PLCB4: variants seen among roughly 807,000 people sequenced by gnomAD.
PLCB4 encodes phospholipase C beta 4.
In PLCB4, 77 loss-of-function variants were observed where a neutral mutation model predicts 178.8. The observed-to-expected ratio is 0.43, with a 90% CI of 0.36 to 0.52. The LOEUF (loss-of-function observed/expected upper bound fraction) is 0.52, where lower values mean the gene tolerates loss of function less well. Among genes scored for constraint, PLCB4 ranks in the 20% least tolerant of loss-of-function variants. PLCB4 has a pLI of 0.00. For missense variants in PLCB4, 1,024 were observed against 1,453.4 expected, an observed-to-expected ratio of 0.70 and a Z score of 4.80; for synonymous variants, 496 against 490.8, an observed-to-expected ratio of 1.01 and a Z score of -0.14.
At chr20:9,424,475 A>G (rs1405981041) in intron 28 of PLCB4, among the ~76,000 whole-genome samples, 1 of 152,218 alleles carries the variant, frequency 6.6e-6, no homozygotes, top group Admixed American at 6.5e-5. Flanking sequence ...TTTTGCTTAC[A>G]TGCAAACATG....
intron 7 of PLCB4, among the ~76,000 whole-genome samples, chr20:9,355,594 A>G (rs1490778101): frequency 6.6e-6 from 1 of 151,650 alleles, no homozygotes; most frequent in Non-Finnish European, 1.5e-5. Context: ...ATGATTTCCA[A>G]TTTCATCCAT....
intron 1 of PLCB4, among the ~76,000 whole-genome samples, chr20:9,072,673 A>G (rs1176036731): frequency 6.6e-6 from 1 of 152,104 alleles, no homozygotes; most frequent in African/African-American, 2.4e-5. Context: ...TCTGGGTGGA[A>G]GGGTAGAAAG....
chr20:9,258,603 T>A (rs967540764), intron 3 of PLCB4, among the ~76,000 whole-genome samples: 5 of 150,078 alleles, frequency 3.3e-5, no homozygotes, highest in Admixed American at 6.7e-5. Flanking sequence ...TAGTCTCAGC[T>A]ACTCAGGATG....
intron 3 of PLCB4, among the ~76,000 whole-genome samples, chr20:9,256,945 G>T (rs1236023581): frequency 6.6e-6 from 1 of 152,138 alleles, no homozygotes; most frequent in Non-Finnish European, 1.5e-5. Flanking sequence ...AAGGCAACTT[G>T]CACATTGAGG....
At chr20:9,413,116 G>A (rs918435974) in intron 25 of PLCB4, among the ~76,000 whole-genome samples, 2 of 152,202 alleles carry the variant, frequency 1.3e-5, no homozygotes, top group Non-Finnish European at 2.9e-5. Context: ...ACCCCAAGGA[G>A]TCAGCCTCAG....
chr20:9,186,266 C>T (rs1041232343), intron 2 of PLCB4, among the ~76,000 whole-genome samples: 1 of 152,160 alleles, frequency 6.6e-6, no homozygotes, highest in Admixed American at 6.5e-5. Context: ...TACATATCTA[C>T]TCATGAGATA....
chr20:9,426,776 A>G (rs2041040385), intron 28 of PLCB4, among the ~76,000 whole-genome samples: 1 of 152,140 alleles, frequency 6.6e-6, no homozygotes, highest in South Asian at 2.1e-4. Context: ...AAATATTTTT[A>G]TATTTTTATT....
intron 1 of PLCB4, among the ~76,000 whole-genome samples, chr20:9,085,831 A>G (rs1478526423): frequency 1.3e-5 from 2 of 152,178 alleles, no homozygotes; most frequent in Non-Finnish European, 2.9e-5. Flanking sequence ...ATACTTGAAC[A>G]TATTATACGG....
At chr20:9,154,111 C>T (rs577443787) in intron 2 of PLCB4, among the ~76,000 whole-genome samples, 13 of 152,028 alleles carry the variant, frequency 8.6e-5, no homozygotes, top group Non-Finnish European at 1.3e-4. Context: ...GGGCAAAGTT[C>T]GGTTTAGGCC....
chr20:9,245,872 T>C (rs1017444768), intron 3 of PLCB4, among the ~76,000 whole-genome samples: 1 of 152,048 alleles, frequency 6.6e-6, no homozygotes, highest in Non-Finnish European at 1.5e-5. Context: ...GACCTCGTGA[T>C]CCATCCGCCT....
At chr20:9,261,522 G>T (rs2094297458) in intron 3 of PLCB4, among the ~76,000 whole-genome samples, 1 of 152,060 alleles carries the variant, frequency 6.6e-6, no homozygotes, top group Non-Finnish European at 1.5e-5. Flanking sequence ...TTCTTCATAA[G>T]CATAGTTTTA....
intron 2 of PLCB4, among the ~76,000 whole-genome samples, chr20:9,144,431 G>A (rs2092554084): frequency 6.6e-6 from 1 of 151,730 alleles, no homozygotes; most frequent in African/African-American, 2.4e-5. Context: ...TAACTTTAAG[G>A]TTAAAACAAT....
At chr20:9,266,772 G>C (rs1405399580) in intron 3 of PLCB4, among the ~76,000 whole-genome samples, 4 of 152,034 alleles carry the variant, frequency 2.6e-5, no homozygotes, top group African/African-American at 9.7e-5. Flanking sequence ...CTGTGGGTTT[G>C]ATTTTATCTT....
intron 28 of PLCB4, among the ~76,000 whole-genome samples, chr20:9,426,307 A>C (rs1005626141): frequency 6.6e-6 from 1 of 152,210 alleles, no homozygotes; most frequent in Non-Finnish European, 1.5e-5. Flanking sequence ...ACAGAGGATC[A>C]AATGAGGGTC....
chr20:9,476,072 C>A (rs997386880), intron 38 of PLCB4, among the ~76,000 whole-genome samples: 7 of 152,192 alleles, frequency 4.6e-5, no homozygotes, highest in Non-Finnish European at 5.9e-5. Flanking sequence ...TGTCCCAAAT[C>A]TCCCCTTCCA....
At position 9,231,715 on chromosome 20, in the gene PLCB4, T is replaced by C. The variant is rs1017158018; in HGVS notation, c.-16+14263T>C. 3.3e-5 allele frequency among the ~76,000 whole-genome samples: 5 copies of C among 152,138 alleles called. No individual in the cohort carries two copies. In the South Asian group the frequency reaches 6.2e-4, roughly 19 times the overall value. On this transcript the variant is annotated intron_variant, in intron 3 of 39. Coordinates refer to ENST00000378473, the MANE Select transcript of PLCB4 (RefSeq NM_001377142.1). Reference sequence around the variant, plus strand: ...TGGAAAGCAATCATAAAATTTTCAGTACATTTACATAAAAAACATCTTGGC... The same window carrying C: ...TGGAAAGCAATCATAAAATTTTCAGCACATTTACATAAAAAACATCTTGGC...
At chr20:9,266,138 A>C (rs184277972) in intron 3 of PLCB4, among the ~76,000 whole-genome samples, 165 of 152,332 alleles carry the variant, frequency 1.1e-3, no homozygotes, top group Non-Finnish European at 1.7e-3. Context: ...AGAAATACTG[A>C]AATCTACAGC....
chr20:9,095,906 G>C (rs2090894266), intron 1 of PLCB4, among the ~76,000 whole-genome samples: 1 of 152,122 alleles, frequency 6.6e-6, no homozygotes, highest in Non-Finnish European at 1.5e-5. Context: ...GCAGAAACAA[G>C]AGTGGAGTTT....
chr20:9,463,072 G>A (rs2043509977), intron 35 of PLCB4, among the ~76,000 whole-genome samples: 1 of 152,168 alleles, frequency 6.6e-6, no homozygotes, highest in African/African-American at 2.4e-5. Context: ...GGACCTCTCG[G>A]CAGAAACCCT....
Sources: allele counts gnomAD v4.1 joint callset (sites outside exome capture counted in the v4.1 genomes callset), GRCh38; gene constraint gnomAD v4.1.1; transcripts MANE v1.5; gene names NCBI Gene and HGNC (gene_info 2026-07-23, HGNC 2026-07-21).